The following GLIS3 variants were observed in gnomAD, a reference collection of about 807,000 sequenced individuals.
GLIS3 encodes zinc finger protein GLIS3.
Under a neutral mutation model 78.6 loss-of-function variants are expected in GLIS3, and 53 were observed. The observed-to-expected ratio is 0.67, with a 90% CI of 0.54 to 0.85. The LOEUF is 0.85. Among genes scored for constraint, GLIS3 ranks in the 40% least tolerant of loss-of-function variants. GLIS3 has a pLI of 0.00. For missense variants in GLIS3, 1,703 were observed against 1,231.1 expected (o/e 1.38, Z -5.74); for synonymous variants, 684 against 509.9 (o/e 1.34, Z -4.60).
chr9:4,458,289 C>A, the GLIS3 span, among the ~76,000 whole-genome samples: 15 of 152,176 alleles, frequency 9.9e-5, no homozygotes, highest in African/African-American at 3.4e-4. Context: ...ATGCATTGTT[C>A]TAGGCACTGG....
intron 4 of GLIS3, among the ~76,000 whole-genome samples, chr9:3,945,675 G>C (rs1816244590): frequency 6.6e-6 from 1 of 152,210 alleles, no homozygotes; most frequent in African/African-American, 2.4e-5. Flanking sequence ...CAATATTTTT[G>C]TATTAAAATA....
the GLIS3 span, among the ~76,000 whole-genome samples, chr9:4,397,699 AGGG>A: frequency 2.3e-5 from 1 of 42,598 alleles, no homozygotes; most frequent in Admixed American, 3.9e-4. Context: ...GGAGGGAGGG[AGGG>A]AGGAAGGCAG....
chr9:4,415,079 T>C, the GLIS3 span, among the ~76,000 whole-genome samples: 2 of 152,222 alleles, frequency 1.3e-5, no homozygotes, highest in South Asian at 4.1e-4. Flanking sequence ...AGGTTTTCTT[T>C]GACACTGGTT....
intron 2 of GLIS3, among the ~76,000 whole-genome samples, chr9:4,235,753 C>T (rs1040690083): frequency 6.6e-6 from 1 of 152,124 alleles, no homozygotes; most frequent in African/African-American, 2.4e-5. Flanking sequence ...AAACCAAGAT[C>T]ATTATCATTT....
chr9:4,125,917 C>T lies in GLIS3; in HGVS notation c.413G>A (p.Cys138Tyr). Residue 138 changes from cysteine (C) to tyrosine (Y), a missense_variant, in exon 3 of 11, where the codon TGC becomes TAC. Transcript: ENST00000381971. Reference protein sequence around the residue: ...GKGALGFGPQCKSIGKGSCNN... With the variant: ...GKGALGFGPQYKSIGKGSCNN... ...GCAGCTGCCTTTTCCAATGGACTTG[C>T]ACTGAGGCCCAAAGCCAAGAGCCCC... 6.2e-7 allele frequency: 1 copy of T among 1,613,942 alleles called. No homozygotes were observed. Among genetic ancestry groups the T allele is most frequent in the Non-Finnish European group, 8.5e-7 (1 of 1,179,904 alleles).
At chr9:4,360,377 C>T in the GLIS3 span, among the ~76,000 whole-genome samples, 3 of 152,182 alleles carry the variant, frequency 2.0e-5, no homozygotes, top group African/African-American at 7.2e-5. Flanking sequence ...AGTCCACTTG[C>T]TTTCTGTACC....
chr9:4,242,952 T>C (rs559975919), intron 2 of GLIS3, among the ~76,000 whole-genome samples: 24 of 152,204 alleles, frequency 1.6e-4, no homozygotes, highest in Non-Finnish European at 3.1e-4. Context: ...TTCTATTAGA[T>C]AGTACTACTC....
At chr9:4,172,940 G>T (rs574397404) in intron 2 of GLIS3, among the ~76,000 whole-genome samples, 1 of 152,086 alleles carries the variant, frequency 6.6e-6, no homozygotes, top group Non-Finnish European at 1.5e-5. Flanking sequence ...TTGCTCTTTC[G>T]ATTTTCCGAG....
intron 2 of GLIS3, among the ~76,000 whole-genome samples, chr9:4,275,262 T>C (rs73643725): frequency 0.025 from 3,840 of 152,188 alleles, 168 homozygotes; most frequent in African/African-American, 0.087. Flanking sequence ...AGTAAAATTT[T>C]CGAAAAAAGG....
chr9:4,409,568 C>T, the GLIS3 span, among the ~76,000 whole-genome samples: 1 of 152,006 alleles, frequency 6.6e-6, no homozygotes, highest in Non-Finnish European at 1.5e-5. Flanking sequence ...ATGGAACATA[C>T]ACAATGAGAA....
chr9:4,131,095 C>A lies in GLIS3; in HGVS notation c.389-5154G>T, dbSNP rs547120. Among the ~76,000 whole-genome samples the A allele has an allele frequency of 1.1e-3, 163 of 152,226 alleles. 1 individual carries two copies. Among genetic ancestry groups the A allele is most frequent in the African/African-American group, 3.7e-3 (155 of 41,558 alleles). ...GTTGGGGCTTGCATAGGACCTATAG[C>A]CCCTTTATTTTGGCCAATTTCTCCC... is the stretch of plus-strand genomic sequence containing the variant. On this transcript the variant is annotated intron_variant, in intron 2 of 10. Transcript: ENST00000381971.
the GLIS3 span, among the ~76,000 whole-genome samples, chr9:4,452,072 G>A: frequency 6.6e-6 from 1 of 152,016 alleles, no homozygotes; most frequent in Non-Finnish European, 1.5e-5. Flanking sequence ...TGACAAAAAC[G>A]ACATGATTAT....
At chr9:4,472,320 T>C in the GLIS3 span, among the ~76,000 whole-genome samples, 5 of 152,158 alleles carry the variant, frequency 3.3e-5, no homozygotes, top group African/African-American at 9.7e-5. Context: ...ATGTTTATTG[T>C]GGCACTATTC....
the GLIS3 span, among the ~76,000 whole-genome samples, chr9:4,418,847 G>T: frequency 1.9e-4 from 29 of 152,306 alleles, no homozygotes; most frequent in Non-Finnish European, 4.0e-4. Flanking sequence ...GAAAAGTATT[G>T]TATGTAGGAG....
chr9:3,887,252 C>A (rs564447713), intron 7 of GLIS3, among the ~76,000 whole-genome samples: 2 of 152,274 alleles, frequency 1.3e-5, no homozygotes, highest in East Asian at 3.9e-4. Context: ...ACCCGTACAT[C>A]CTTGACATGC....
At chr9:4,416,812 GTTTTTTTTTT>G in the GLIS3 span, among the ~76,000 whole-genome samples, 1 of 95,822 alleles carries the variant, frequency 1.0e-5, no homozygotes, top group Non-Finnish European at 2.0e-5. Flanking sequence ...CCCATAGTCA[GTTTTTTTTTT>G]TTTTTTTTTT....
chr9:3,831,035 C>G (rs1434393562), intron 9 of GLIS3, among the ~76,000 whole-genome samples: 1 of 152,242 alleles, frequency 6.6e-6, no homozygotes, highest in African/African-American at 2.4e-5. Context: ...CTCTAGGAGT[C>G]TATCATCCAA....
chr9:4,042,918 A>C (rs2130381407), intron 4 of GLIS3, among the ~76,000 whole-genome samples: 1 of 151,470 alleles, frequency 6.6e-6, no homozygotes, highest in South Asian at 2.1e-4. Context: ...GCTATGTGCC[A>C]GGACGCCAAG....
chr9:4,415,198 A>T, the GLIS3 span, among the ~76,000 whole-genome samples: 1 of 152,146 alleles, frequency 6.6e-6, no homozygotes, highest in African/African-American at 2.4e-5. Context: ...ATCTGTGAGG[A>T]TCTTACCACC....
Sources: allele counts gnomAD v4.1 joint callset (sites outside exome capture counted in the v4.1 genomes callset), GRCh38; gene constraint gnomAD v4.1.1; transcripts MANE v1.5; gene names NCBI Gene and HGNC (gene_info 2026-07-23, HGNC 2026-07-21).